Variants in SLC2A14 observed in about 807,000 individuals in gnomAD.
The protein encoded by SLC2A14 is solute carrier family 2, facilitated glucose transporter member 14.
SLC2A14 carries 13 observed loss-of-function variants against 43.0 expected under a neutral mutation model. The observed-to-expected ratio is 0.30, with a 90% CI of 0.20 to 0.48. SLC2A14 has a LOEUF of 0.48. Among genes scored for constraint, SLC2A14 ranks in the 20% least tolerant of loss-of-function variants. The pLI, the probability that SLC2A14 is intolerant of heterozygous loss-of-function variation, is 0.99. For missense variants in SLC2A14, 428 were observed against 620.4 expected, an observed-to-expected ratio of 0.69 and a Z score of 3.29; for synonymous variants, 190 against 233.8, an observed-to-expected ratio of 0.81 and a Z score of 1.71.
chr12:7,830,153 CTT>C, intron 4 of SLC2A14, 147 bp from the exon 5 acceptor site: 1 of 1,020,570 alleles, frequency 9.8e-7, no homozygotes, highest in Non-Finnish European at 1.3e-6. Context: ...CTTTTCTTTT[CTT>C]TCTTTTTTTT....
rs754528465 is a variant in SLC2A14 at position 7,831,702 on chromosome 12, C to T, written c.174G>A (p.Val58=). ...TDKANAPPSE[V]LLTNLWSLSV... The stretch of plus-strand genomic sequence containing the variant: ...ACAAGGACCAGAGATTCGTGAGCAG[C>T]ACCTCAGAGGGAGGGGCATTTGCCT... The change falls in exon 4 of 11, where the codon GTG becomes GTA. Residue 58 remains valine, a synonymous_variant. Coordinates refer to ENST00000431042, the MANE Select transcript of SLC2A14 (RefSeq NM_001286234.2). 2.5e-5 allele frequency: 41 copies of T among 1,614,114 alleles called. No individual in the cohort carries two copies. The East Asian group carries it at 9.1e-4, about 36-fold the overall frequency.
intron 2 of SLC2A14, among the ~76,000 whole-genome samples, chr12:7,845,450 C>A (rs149645237): frequency 1.3e-3 from 193 of 152,214 alleles, no homozygotes; most frequent in African/African-American, 4.6e-3. Flanking sequence ...GGTCCGGGGA[C>A]CAGCAACATC....
In SLC2A14 at chr12:7,870,655, C is replaced by T. The variant is rs1164623801; in HGVS notation, c.-57-718G>A. On this transcript the variant is annotated intron_variant, in intron 1 of 10. Coordinates refer to ENST00000431042, the MANE Select transcript of SLC2A14 (RefSeq NM_001286234.2). ...TCTCTGCTACCTTCCCCACCCTGCG[C>T]CTCACTGTTTTTGTTCCTGTATCAG... 5.3e-5 allele frequency among the ~76,000 whole-genome samples: 8 copies of T among 152,176 alleles called. No homozygotes were observed. In the East Asian group the frequency reaches 1.5e-3, roughly 29 times the overall value.
intron 7 of SLC2A14, among the ~76,000 whole-genome samples, chr12:7,824,191 G>T (rs1864158533): frequency 6.6e-6 from 1 of 152,064 alleles, no homozygotes. Context: ...GGGAGGCAGA[G>T]GTTGCAGTGA....
At chr12:7,839,882 C>T (rs1329842598) in intron 2 of SLC2A14, 1 of 441,428 alleles carries the variant, frequency 2.3e-6, no homozygotes, top group African/African-American at 2.2e-5. Context: ...TTATTTCCCC[C>T]TTTTGGACCA....
At chr12:7,871,077 G>A (rs1592315470) in intron 1 of SLC2A14, 4 of 1,388,920 alleles carry the variant, frequency 2.9e-6, no homozygotes, top group South Asian at 1.2e-5. Flanking sequence ...AGGGCATGAT[G>A]AGCGAGGCCC....
At position 7,828,975 on chromosome 12, in the gene SLC2A14, C is replaced by T. The variant is rs989240324; in HGVS notation, c.514-109G>A. On this transcript the variant is annotated intron_variant, in intron 5 of 10. Transcript: ENST00000431042. ...CAGTAGCTTACGCCTGTAATTCCAG[C>T]ACTTTGGAAGGCTGAGGCAGGTGGA... The T allele has an allele frequency of 6.6e-6, 9 of 1,372,024 alleles. No individual in the cohort carries two copies. The South Asian group carries it at 8.7e-5, about 13-fold the overall frequency. The allele number at this position is 1,372,024 out of a possible 1,614,324, so 85.0% of individuals were successfully genotyped here.
intron 1 of SLC2A14, among the ~76,000 whole-genome samples, chr12:7,889,293 G>C (rs943334876): frequency 1.4e-5 from 2 of 143,070 alleles, no homozygotes; most frequent in Admixed American, 7.4e-5. Context: ...GGGTGCAATG[G>C]TGTGATCTCA....
intron 1 of SLC2A14, among the ~76,000 whole-genome samples, chr12:7,881,951 C>T (rs1052231155): frequency 6.6e-6 from 1 of 152,026 alleles, no homozygotes; most frequent in Non-Finnish European, 1.5e-5. Context: ...GGATTGTAAA[C>T]GCACCAATCA....
chr12:7,891,036 G>C, exon 1 of SLC2A14: 1 of 1,535,076 alleles, frequency 6.5e-7, no homozygotes, highest in Non-Finnish European at 8.7e-7. Context: ...CTCCAGAGTG[G>C]AGGTCTGAGA....
chr12:7,882,235 G>A (rs953491257), intron 1 of SLC2A14, among the ~76,000 whole-genome samples: 3 of 150,078 alleles, frequency 2.0e-5, no homozygotes, highest in South Asian at 2.1e-4. Context: ...CGGGAGAAAC[G>A]AACGATTCCA....
At chr12:7,886,803 G>C (rs558490970) in intron 1 of SLC2A14, among the ~76,000 whole-genome samples, 9 of 151,908 alleles carry the variant, frequency 5.9e-5, no homozygotes, top group Non-Finnish European at 1.2e-4. Context: ...ATATCACATT[G>C]ATGTGCAGTT....
intron 7 of SLC2A14, among the ~76,000 whole-genome samples, chr12:7,827,073 C>CTTTCTTTCTT (rs1349948625): frequency 3.1e-4 from 37 of 118,158 alleles, no homozygotes; most frequent in African/African-American, 1.2e-3. Context: ...TTCTCTCTCT[C>CTTTCTTTCTT]TCTTTCTTTC....
At chr12:7,867,206 G>A (rs1191379276) in intron 2 of SLC2A14, among the ~76,000 whole-genome samples, 1 of 148,032 alleles carries the variant, frequency 6.8e-6, no homozygotes, top group Admixed American at 7.0e-5. Context: ...TTGAACCCAG[G>A]AGGCGGAGCT....
chr12:7,887,576 G>C (rs976758846), intron 1 of SLC2A14, among the ~76,000 whole-genome samples: 3 of 138,628 alleles, frequency 2.2e-5, no homozygotes, highest in Non-Finnish European at 4.6e-5. Flanking sequence ...TAGATAGATA[G>C]ATAGATAGAT....
At chr12:7,862,619 T>G (rs1428661168) in intron 2 of SLC2A14, among the ~76,000 whole-genome samples, 5 of 152,120 alleles carry the variant, frequency 3.3e-5, no homozygotes, top group Non-Finnish European at 5.9e-5. Flanking sequence ...CACCGGTGCG[T>G]GATCCACTAG....
upstream of SLC2A14, chr12:7,873,094 G>A (rs1041764763): frequency 1.0e-6 from 1 of 985,328 alleles, no homozygotes; most frequent in East Asian, 1.1e-4. Context: ...CGCACCGCAC[G>A]GTCCAGCCCC....
chr12:7,841,667 T>C (rs1865955996), intron 2 of SLC2A14, among the ~76,000 whole-genome samples: 1 of 152,198 alleles, frequency 6.6e-6, no homozygotes, highest in African/African-American at 2.4e-5. Context: ...TTCTATAGGT[T>C]TGATAAATGT....
At chr12:7,871,264 G>A (rs1592315976) in intron 1 of SLC2A14, 1 of 1,196,148 alleles carries the variant, frequency 8.4e-7, no homozygotes, top group East Asian at 4.9e-5. Context: ...CTTCACAGAT[G>A]AAGAAGTGGA....
Sources: allele counts gnomAD v4.1 joint callset (sites outside exome capture counted in the v4.1 genomes callset), GRCh38; gene constraint gnomAD v4.1.1; transcripts MANE v1.5; gene names NCBI Gene and HGNC (gene_info 2026-07-23, HGNC 2026-07-21).